The following CTNNA3 variants were observed in gnomAD, a reference collection of about 807,000 sequenced individuals.
CTNNA3 encodes the protein catenin alpha-3.
CTNNA3 carries 76 observed loss-of-function variants against 95.7 expected under a neutral mutation model. The observed-to-expected ratio is 0.79, with a 90% CI of 0.66 to 0.96. CTNNA3 has a LOEUF of 0.96. CTNNA3 is among the 40% of genes least tolerant of loss of function. The probability of loss-of-function intolerance (pLI) is 0.00; values close to 1 mark genes in which losing one functional copy is unlikely to be tolerated. For synonymous variants in CTNNA3, 431 were observed against 374.4 expected, an observed-to-expected ratio of 1.15 and a Z score of -1.74; for missense variants, 1,191 against 1,089.8, an observed-to-expected ratio of 1.09 and a Z score of -1.31.
In CTNNA3 at chr10:66,543,800, T is replaced by C. The variant is rs56164310; in HGVS notation, c.1375-23027A>G. Reference sequence around the variant, plus strand: ...CATCCAATTCACCATTGTGAGTTAATTTTTTAAAGTTTCTTCTCCCACTGT... The same window carrying C: ...CATCCAATTCACCATTGTGAGTTAACTTTTTAAAGTTTCTTCTCCCACTGT... On this transcript the variant is annotated intron_variant, in intron 10 of 17. Transcript: ENST00000433211. 8.6e-3 allele frequency among the ~76,000 whole-genome samples: 1,303 copies of C among 151,120 alleles called. 22 individuals are homozygous for C. The highest frequency in any genetic ancestry group is 0.03 in the African/African-American group (1,234 of 41,310).
intron 10 of CTNNA3, among the ~76,000 whole-genome samples, chr10:66,590,984 TG>T (rs1225672658): frequency 6.6e-6 from 1 of 152,118 alleles, no homozygotes; most frequent in African/African-American, 2.4e-5. Flanking sequence ...GTTTACTGAG[TG>T]GGAGTGGTTT....
chr10:66,802,870 A>G (rs1212239546), intron 7 of CTNNA3, among the ~76,000 whole-genome samples: 1 of 152,006 alleles, frequency 6.6e-6, no homozygotes, highest in East Asian at 1.9e-4. Context: ...CAATGAGAGA[A>G]GACTTACACA....
chr10:67,389,412 A>G (rs1444503794), intron 5 of CTNNA3, among the ~76,000 whole-genome samples: 5 of 151,274 alleles, frequency 3.3e-5, no homozygotes, highest in Admixed American at 2.6e-4. Flanking sequence ...TTCATAAAGC[A>G]AGTCCTGAGT....
intron 5 of CTNNA3, among the ~76,000 whole-genome samples, chr10:67,499,608 G>A (rs562490791): frequency 1.4e-4 from 21 of 152,288 alleles, no homozygotes; most frequent in Non-Finnish European, 2.9e-4. Context: ...CTCAATTTCA[G>A]AACTTGTTAT....
At chr10:66,433,681 C>A (rs1258655978) in intron 11 of CTNNA3, among the ~76,000 whole-genome samples, 4 of 152,158 alleles carry the variant, frequency 2.6e-5, no homozygotes, top group African/African-American at 9.7e-5. Flanking sequence ...GCTTTTGTTG[C>A]CATTGCTTTG....
At chr10:66,871,065 G>C (rs983841166) in intron 7 of CTNNA3, among the ~76,000 whole-genome samples, 1 of 152,136 alleles carries the variant, frequency 6.6e-6, no homozygotes, top group Non-Finnish European at 1.5e-5. Context: ...GTTTTGCTCT[G>C]CTGGTTTTGT....
intron 11 of CTNNA3, among the ~76,000 whole-genome samples, chr10:66,467,791 A>G (rs1838977757): frequency 6.6e-6 from 1 of 152,118 alleles, no homozygotes; most frequent in Non-Finnish European, 1.5e-5. Flanking sequence ...AGCGTATGGT[A>G]AGTGAAATTA....
At chr10:67,373,073 G>A (rs1294121465) in intron 5 of CTNNA3, among the ~76,000 whole-genome samples, 4 of 152,084 alleles carry the variant, frequency 2.6e-5, no homozygotes, top group South Asian at 2.1e-4. Context: ...ATCAACTAAC[G>A]TGCAAAATCA....
chr10:66,469,089 T>G (rs1389220665), intron 11 of CTNNA3, among the ~76,000 whole-genome samples: 3 of 151,966 alleles, frequency 2.0e-5, no homozygotes, highest in African/African-American at 7.2e-5. Flanking sequence ...ATTTAATATT[T>G]ATTAAATAGT....
intron 13 of CTNNA3, among the ~76,000 whole-genome samples, chr10:66,235,893 T>A (rs1033254789): frequency 1.3e-5 from 2 of 152,196 alleles, no homozygotes; most frequent in Admixed American, 6.5e-5. Flanking sequence ...AAATTGTCCA[T>A]CTGTCCTATT....
chr10:66,760,378 C>G (rs1218344045), intron 9 of CTNNA3, among the ~76,000 whole-genome samples: 1 of 152,144 alleles, frequency 6.6e-6, no homozygotes, highest in African/African-American at 2.4e-5. Context: ...ATCTAGATTT[C>G]CTTTCTACAG....
intron 13 of CTNNA3, among the ~76,000 whole-genome samples, chr10:66,125,113 AG>A (rs1300737219): frequency 7.9e-5 from 12 of 152,226 alleles, no homozygotes; most frequent in African/African-American, 2.9e-4. Context: ...AAACATTAAA[AG>A]AAGTTCTTCA....
intron 7 of CTNNA3, among the ~76,000 whole-genome samples, chr10:66,881,522 T>C (rs545604633): frequency 7.9e-5 from 12 of 152,220 alleles, no homozygotes; most frequent in Non-Finnish European, 1.5e-4. Context: ...ATGATTCTAC[T>C]AGAAGCTAAG....
intron 13 of CTNNA3, among the ~76,000 whole-genome samples, chr10:66,106,142 G>A (rs1320686706): frequency 1.3e-5 from 2 of 151,740 alleles, no homozygotes; most frequent in Non-Finnish European, 2.9e-5. Flanking sequence ...AGGCGGCGGA[G>A]GTTGCAGCGA....
At chr10:66,986,775 G>A (rs1850751333) in intron 7 of CTNNA3, among the ~76,000 whole-genome samples, 1 of 151,880 alleles carries the variant, frequency 6.6e-6, no homozygotes, top group Non-Finnish European at 1.5e-5. Flanking sequence ...AGTTAACATG[G>A]CAGTTAAATA....
chr10:67,484,001 A>T (rs1589342914), intron 5 of CTNNA3, among the ~76,000 whole-genome samples: 1 of 152,322 alleles, frequency 6.6e-6, no homozygotes, highest in East Asian at 1.9e-4. Flanking sequence ...TGGAACCAAA[A>T]AAAGAATTTG....
At chr10:66,646,033 T>C (rs56784083) in intron 9 of CTNNA3, among the ~76,000 whole-genome samples, 4,716 of 152,282 alleles carry the variant, frequency 0.031, 240 homozygotes, top group African/African-American at 0.11. Context: ...TTTAACTATT[T>C]TTGCTATTCA....
At chr10:66,270,224 T>TTTGGGG in intron 13 of CTNNA3, among the ~76,000 whole-genome samples, 1 of 95,834 alleles carries the variant, frequency 1.0e-5, no homozygotes, top group East Asian at 3.4e-4. Context: ...TAACATTTTT[T>TTTGGGG]GGGGGGGGGG....
At chr10:67,177,413 C>G (rs569179229) in intron 7 of CTNNA3, among the ~76,000 whole-genome samples, 1 of 152,258 alleles carries the variant, frequency 6.6e-6, no homozygotes, top group South Asian at 2.1e-4. Context: ...AAAATTTAAG[C>G]CAATCTCTGA....
Sources: gnomAD v4.1 joint callset for allele counts (sites outside exome capture counted in the v4.1 genomes callset) on GRCh38, gnomAD v4.1.1 for gene constraint, MANE v1.5 for transcripts, NCBI Gene and HGNC (gene_info 2026-07-23, HGNC 2026-07-21) for gene names.